Variants in TTLL3 observed in about 807,000 individuals in gnomAD.
The protein encoded by TTLL3 is tubulin monoglycylase TTLL3.
In TTLL3, 63 loss-of-function variants were observed where a neutral mutation model predicts 75.2. That is an observed-to-expected ratio of 0.84 (90% CI 0.68 to 1.03). The LOEUF (loss-of-function observed/expected upper bound fraction) is 1.03. TTLL3 is among the 50% of genes least tolerant of loss of function. The pLI, the probability that TTLL3 is intolerant of heterozygous loss-of-function variation, is 0.00. For missense variants in TTLL3, 997 were observed against 1,069.9 expected, an observed-to-expected ratio of 0.93 and a Z score of 0.95; for synonymous variants, 393 against 418.5, an observed-to-expected ratio of 0.94 and a Z score of 0.74.
chr3:9,817,355 C>G, intron 5 of TTLL3: 2 of 861,782 alleles, frequency 2.3e-6, no homozygotes, highest in Non-Finnish European at 2.8e-6. Flanking sequence ...ACCCGGGAGG[C>G]AGAGCTTACA....
upstream of TTLL3, chr3:9,810,102 G>A (rs572206883): frequency 1.7e-5 from 24 of 1,444,846 alleles, no homozygotes; most frequent in Admixed American, 3.1e-4. The surrounding 1 kb of genome is among the most constrained non-coding windows in gnomAD (Gnocchi z 4.4). Flanking sequence ...AGGGCGGCGC[G>A]GTGTGCAACT....
chr3:9,828,562 T>G (rs2081261477), intron 10 of TTLL3: 1 of 196,702 alleles, frequency 5.1e-6, no homozygotes, highest in Non-Finnish European at 1.0e-5. Context: ...TTTGCAGATG[T>G]GAAGAGCACA....
intron 5 of TTLL3, 69 bp downstream of exon 5, chr3:9,816,271 C>G (rs2079852208): frequency 7.7e-7 from 1 of 1,293,172 alleles, no homozygotes. Flanking sequence ...GCTCTCCTCC[C>G]TGCTCACCTT....
At chr3:9,828,141 C>CAAAAA (rs35119497) in intron 10 of TTLL3, 2 of 81,682 alleles carry the variant, frequency 2.4e-5, no homozygotes, top group Non-Finnish European at 4.8e-5. Context: ...GGATCTGTCT[C>CAAAAA]AAAAAAAAAA....
At chr3:9,825,707 G>T (rs765921781) in intron 8 of TTLL3, 93 bp from the exon 9 acceptor site, 1 of 1,609,252 alleles carries the variant, frequency 6.2e-7, no homozygotes, top group Non-Finnish European at 8.5e-7. Context: ...CTGCCTGGAT[G>T]ACGGCGGGGG....
intron 4 of TTLL3, among the ~76,000 whole-genome samples, chr3:9,815,504 G>T (rs763076613): frequency 5.9e-5 from 9 of 152,234 alleles, no homozygotes; most frequent in Non-Finnish European, 1.0e-4. Flanking sequence ...TAGGAAGGAG[G>T]GAGAGAGGTG....
chr3:9,835,257 G>C lies in TTLL3; in HGVS notation c.2216G>C (p.Arg739Thr). 2 of 1,614,196 alleles carry C rather than the reference G, an allele frequency of 1.2e-6. No homozygotes were observed. Among genetic ancestry groups the C allele is most frequent in the South Asian group, 1.1e-5 (1 of 91,090 alleles). ...AGGGCTGAGGCCTGCCCCATGAAGA[G>C]GCTGAGCCCCCTGAAACCCCTGCCC... ...KPRAEACPMK[R>T]LSPLKPLPLV... The change falls in exon 14 of 14, where the codon AGG (arginine) becomes ACG (threonine). Residue 739 changes from arginine to threonine, a missense_variant. Physicochemically the swap from Arg to Thr is moderately conservative, Grantham distance 71 (BLOSUM62 -1). Transcript: ENST00000685419.
At chr3:9,819,031 CCA>C in intron 7 of TTLL3, 111 bp downstream of exon 7, 1 of 1,367,852 alleles carries the variant, frequency 7.3e-7, no homozygotes. Flanking sequence ...ACTGGTTCAT[CCA>C]CACATCTGTG....
At chr3:9,827,622 CTCCT>C in intron 10 of TTLL3, 1 of 243,580 alleles carries the variant, frequency 4.1e-6, no homozygotes, top group East Asian at 1.1e-4. Context: ...TGGTCTCAAA[CTCCT>C]GGGCTCAAGC....
chr3:9,815,578 C>T (rs1273371340), intron 4 of TTLL3, among the ~76,000 whole-genome samples: 1 of 152,218 alleles, frequency 6.6e-6, no homozygotes, highest in Non-Finnish European at 1.5e-5. Context: ...CTGTCCTGCC[C>T]CTGGGCAAGT....
Position 9,818,838 on chromosome 3 carries a change from T to A in TTLL3, c.576T>A (p.Thr192=). ...KKAFIEDFWL[T]AARNVLKLVV... is the part of the protein sequence containing the mutation. ...TGGGAGCAGAGGACTTCTGGCTGAC[T>A]GCTGCCCGCAACGTTCTCAAGCTGG... Residue 192 remains threonine, a synonymous_variant, in exon 7 of 14, where the codon ACT becomes ACA. Coordinates refer to ENST00000685419, the MANE Select transcript of TTLL3 (RefSeq NM_001387446.1). 1 of 1,614,122 alleles carries A rather than the reference T, an allele frequency of 6.2e-7. No homozygotes were observed. Among genetic ancestry groups the A allele is most frequent in the Non-Finnish European group, 8.5e-7 (1 of 1,180,002 alleles).
chr3:9,818,810 G>C lies in TTLL3; in HGVS notation c.560-12G>C. 6.2e-7 allele frequency: 1 copy of C among 1,614,036 alleles called. No homozygotes were observed. The highest frequency in any genetic ancestry group is 8.5e-7 in the Non-Finnish European group (1 of 1,180,014). On this transcript the variant is annotated splice_polypyrimidine_tract_variant and intron_variant, in intron 6 of 13. Transcript: ENST00000685419. ...TAGGGGCTGAGCAGGGTATCCCCTGGCCTGGGAGCAGAGGACTTCTGGCTG... is the reference window on the plus strand; with the variant it reads ...TAGGGGCTGAGCAGGGTATCCCCTGCCCTGGGAGCAGAGGACTTCTGGCTG...
chr3:9,809,807 G>A (rs1575342863), upstream of TTLL3: 3 of 397,772 alleles, frequency 7.5e-6, no homozygotes, highest in East Asian at 1.1e-4. Context: ...CGACTGCCCC[G>A]GGGCCCATCG....
At chr3:9,825,048 C>G (rs1437947449) in intron 8 of TTLL3, among the ~76,000 whole-genome samples, 1 of 152,128 alleles carries the variant, frequency 6.6e-6, no homozygotes, top group Non-Finnish European at 1.5e-5. Context: ...GCCCAGTTTA[C>G]ATTTCTCTAA....
rs1001024474 is a variant in TTLL3 at position 9,835,683 on chromosome 3, C to T, written c.*194C>T. On this transcript the variant is annotated 3_prime_UTR_variant, in exon 14 of 14. Transcript: ENST00000685419. ...CCAAGATCACGTGGCAGTGAGTCGA[C>T]GCAGGGACATATTGCCAGAACTGCC... The T allele has an allele frequency of 1.9e-5, 11 of 568,524 alleles. No homozygotes were observed. The highest frequency in any genetic ancestry group is 3.8e-5 in the African/African-American group (2 of 52,574). The allele number at this position is 568,524 out of a possible 1,614,324, so 35.2% of individuals were successfully genotyped here.
chr3:9,828,467 A>G (rs1358980253), intron 10 of TTLL3: 3 of 161,084 alleles, frequency 1.9e-5, no homozygotes, highest in East Asian at 1.8e-4. Context: ...CTCATTCTTA[A>G]TAAGAACCCA....
rs903112176 is a variant in TTLL3, at chr3:9,810,564, C to T, written c.-41-57C>T. On this transcript the variant is annotated intron_variant, in intron 1 of 13. Transcript: ENST00000685419. The surrounding 1 kb of genome is among the most constrained non-coding windows in gnomAD (Gnocchi z 4.4). ...ATGGGCGGCCAGAAAAGATCCTAGG[C>T]CGAGACCCTAGGCCCAGCCTCAGTG... 1 of 1,524,018 alleles carries T rather than the reference C, an allele frequency of 6.6e-7. No individual in the cohort carries two copies. The highest frequency in any genetic ancestry group is 1.2e-5 in the South Asian group (1 of 80,916). The allele number at this position is 1,524,018 out of a possible 1,614,324, so 94.4% of individuals were successfully genotyped here.
rs369985847 is a variant in TTLL3, at chr3:9,827,003, T to C, written c.1010T>C (p.Met337Thr). The C allele has an allele frequency of 6.2e-7, 1 of 1,613,968 alleles. No homozygotes were observed. The highest frequency in any genetic ancestry group is 8.5e-7 in the Non-Finnish European group (1 of 1,180,018). The change falls in exon 10 of 14, where the codon ATG becomes ACG. Residue 337 changes from methionine to threonine, a missense_variant. Coordinates refer to ENST00000685419, the MANE Select transcript of TTLL3 (RefSeq NM_001387446.1). ...CTGCCCTCTTCCCCCGTAGGCATCA[T>C]GTGCATGGACCACCTGGAGGAGATG... is the stretch of plus-strand genomic sequence containing the variant. Reference protein sequence around the residue: ...PGAKSRGRGIMCMDHLEEMLK... With the variant: ...PGAKSRGRGITCMDHLEEMLK...
In TTLL3 at chr3:9,818,939, T is replaced by A. The variant is rs3806668; in HGVS notation, c.658+19T>A. ...GCCTCAGGTAAGTACTGTGGTTACC[T>A]CCACTCTCCCACCCATTTATCCTCC... On this transcript the variant is annotated intron_variant, in intron 7 of 13. Coordinates refer to ENST00000685419, the MANE Select transcript of TTLL3 (RefSeq NM_001387446.1). 128 of 1,613,466 alleles carry A rather than the reference T, an allele frequency of 7.9e-5. 1 individual carries two copies. The highest frequency in any genetic ancestry group is 1.0e-4 in the Non-Finnish European group (121 of 1,179,764).
Sources: allele counts gnomAD v4.1 joint callset (sites outside exome capture counted in the v4.1 genomes callset), GRCh38; gene constraint gnomAD v4.1.1; non-coding constraint Gnocchi (gnomAD v3.1); transcripts MANE v1.5; gene names NCBI Gene and HGNC (gene_info 2026-07-23, HGNC 2026-07-21).